FHIT: variants seen among roughly 807,000 people sequenced by gnomAD.
The protein encoded by FHIT is bis(5'-adenosyl)-triphosphatase.
A neutral mutation model predicts 17.9 loss-of-function variants in FHIT; 19 were observed. The observed-to-expected ratio is 1.06, with a 90% confidence interval of 0.74 to 1.56. The LOEUF (loss-of-function observed/expected upper bound fraction) is 1.56. Among genes scored for constraint, FHIT ranks in the 40% most tolerant of loss-of-function variants. FHIT has a pLI of 0.00. For synonymous variants in FHIT, 81 were observed against 69.7 expected, an observed-to-expected ratio of 1.16 and a Z score of -0.81; for missense variants, 248 against 189.2, an observed-to-expected ratio of 1.31 and a Z score of -1.82.
At chr3:60,251,637 T>G (rs1249335209) in intron 5 of FHIT, among the ~76,000 whole-genome samples, 1 of 152,128 alleles carries the variant, frequency 6.6e-6, no homozygotes, top group Non-Finnish European at 1.5e-5. Flanking sequence ...ATGCATGTTG[T>G]GTGTGTGTAT....
intron 5 of FHIT, among the ~76,000 whole-genome samples, chr3:60,230,679 T>A (rs1371926101): frequency 6.6e-6 from 1 of 152,188 alleles, no homozygotes; most frequent in Non-Finnish European, 1.5e-5. Flanking sequence ...AATGCCTTTT[T>A]GTCCAAAGAA....
At chr3:60,277,251 T>C (rs1170549610) in intron 5 of FHIT, among the ~76,000 whole-genome samples, 4 of 152,154 alleles carry the variant, frequency 2.6e-5, no homozygotes, top group Non-Finnish European at 5.9e-5. Context: ...GCTGCAGATA[T>C]AGGCGTTAAA....
intron 5 of FHIT, among the ~76,000 whole-genome samples, chr3:60,146,146 G>A (rs1043884889): frequency 4.1e-4 from 62 of 152,088 alleles, no homozygotes; most frequent in African/African-American, 1.4e-3. Flanking sequence ...AGGAGAGGAG[G>A]GTGGAATAGA....
At chr3:60,626,504 G>A (rs1465231645) in intron 4 of FHIT, among the ~76,000 whole-genome samples, 2 of 151,942 alleles carry the variant, frequency 1.3e-5, no homozygotes, top group Non-Finnish European at 2.9e-5. Flanking sequence ...TTCATTTTCT[G>A]ATTGTCTATC....
At chr3:60,278,251 GA>G (rs1707261246) in intron 5 of FHIT, among the ~76,000 whole-genome samples, 1 of 152,136 alleles carries the variant, frequency 6.6e-6, no homozygotes, top group Non-Finnish European at 1.5e-5. Context: ...AAATCTCAGG[GA>G]AGAGAAAAAG....
At chr3:60,282,307 C>A (rs1440357927) in intron 5 of FHIT, among the ~76,000 whole-genome samples, 1 of 152,082 alleles carries the variant, frequency 6.6e-6, no homozygotes, top group Non-Finnish European at 1.5e-5. Context: ...TACTAGTCTA[C>A]AATTTTTTCT....
intron 7 of FHIT, among the ~76,000 whole-genome samples, chr3:59,963,566 C>A (rs1159662647): frequency 6.6e-6 from 1 of 152,140 alleles, no homozygotes; most frequent in Admixed American, 6.5e-5. Context: ...TGAACATTCA[C>A]AGAGCGCCTA....
chr3:60,700,630 A>G (rs1553701879), intron 4 of FHIT, among the ~76,000 whole-genome samples: 3 of 152,208 alleles, frequency 2.0e-5, no homozygotes. Flanking sequence ...TTAAGGTTGC[A>G]GAGTCAAAGA....
chr3:60,057,328 C>A (rs958537065), intron 5 of FHIT, among the ~76,000 whole-genome samples: 1 of 152,038 alleles, frequency 6.6e-6, no homozygotes, highest in African/African-American at 2.4e-5. Context: ...GAATGTGAAC[C>A]CTGCCTGGTC....
At chr3:59,925,719 T>A (rs1705627034) in intron 7 of FHIT, among the ~76,000 whole-genome samples, 1 of 152,028 alleles carries the variant, frequency 6.6e-6, no homozygotes, top group African/African-American at 2.4e-5. Flanking sequence ...GTACAGGTGG[T>A]TTTTTCCCGA....
At chr3:61,127,809 G>A (rs1189736957) in intron 2 of FHIT, among the ~76,000 whole-genome samples, 1 of 152,140 alleles carries the variant, frequency 6.6e-6, no homozygotes, top group African/African-American at 2.4e-5. Flanking sequence ...GGCGGAGACT[G>A]CAGTGAGTCG....
chr3:60,358,975 G>A (rs1405423353), intron 5 of FHIT, among the ~76,000 whole-genome samples: 1 of 152,116 alleles, frequency 6.6e-6, no homozygotes, highest in East Asian at 1.9e-4. Flanking sequence ...GGTGTTGAGG[G>A]CTTGTAGTCT....
rs1575851242 is a variant in FHIT, at chr3:59,999,533, T to C, written c.279+11838A>G. The stretch of plus-strand genomic sequence containing the variant: ...AAGCATATTAAGAAACAACAATAAC[T>C]GAATATTTTAGAGTGGATGATCTAG... On this transcript the variant is annotated intron_variant, in intron 7 of 9. Coordinates refer to ENST00000492590, the MANE Select transcript of FHIT (RefSeq NM_002012.4). Among the ~76,000 whole-genome samples the C allele has an allele frequency of 2.0e-5, 3 of 152,248 alleles. No homozygotes were observed. The South Asian group carries it at 6.2e-4, about 32-fold the overall frequency.
chr3:60,131,496 C>G (rs1169589903), intron 5 of FHIT, among the ~76,000 whole-genome samples: 1 of 152,060 alleles, frequency 6.6e-6, no homozygotes, highest in Non-Finnish European at 1.5e-5. Flanking sequence ...TATATGATCC[C>G]ATTATATTAT....
intron 3 of FHIT, among the ~76,000 whole-genome samples, chr3:60,892,822 T>C (rs923658562): frequency 1.2e-4 from 19 of 152,214 alleles, no homozygotes; most frequent in Admixed American, 1.0e-3. Context: ...ATGCATATGA[T>C]ATAAGGTTAA....
intron 5 of FHIT, among the ~76,000 whole-genome samples, chr3:60,358,513 G>A (rs993165667): frequency 6.6e-6 from 1 of 152,170 alleles, no homozygotes; most frequent in African/African-American, 2.4e-5. Context: ...AAATCACAAT[G>A]AATTATGATC....
chr3:59,857,705 G>GTTTTTTTTTTTTTTTTTTTTT (rs78150569), intron 8 of FHIT, among the ~76,000 whole-genome samples: 8 of 115,436 alleles, frequency 6.9e-5, no homozygotes, highest in African/African-American at 2.5e-4. Context: ...AAAGTGCTGG[G>GTTTTTTTTTTTTTTTTTTTTT]TTTTTTTTTT....
At chr3:60,995,316 T>A (rs2030586426) in intron 3 of FHIT, among the ~76,000 whole-genome samples, 1 of 150,720 alleles carries the variant, frequency 6.6e-6, no homozygotes, top group Non-Finnish European at 1.5e-5. Context: ...CGAGACTCTG[T>A]CTCAAAATAA....
At chr3:60,381,178 G>C (rs543162382) in intron 5 of FHIT, among the ~76,000 whole-genome samples, 1 of 152,002 alleles carries the variant, frequency 6.6e-6, no homozygotes, top group Non-Finnish European at 1.5e-5. Flanking sequence ...GCTTAGGAGG[G>C]AACATACAAA....
Sources: allele counts gnomAD v4.1 joint callset (sites outside exome capture counted in the v4.1 genomes callset), GRCh38; gene constraint gnomAD v4.1.1; transcripts MANE v1.5; gene names NCBI Gene and HGNC (gene_info 2026-07-23, HGNC 2026-07-21).